The following DNAH7 variants were observed in gnomAD, a reference collection of about 807,000 sequenced individuals.
DNAH7 encodes the protein axonemal beta dynein heavy chain 7.
A neutral mutation model predicts 444.6 loss-of-function variants in DNAH7; 397 were observed. That is an observed-to-expected ratio of 0.89 (90% CI 0.82 to 0.97). DNAH7 has a LOEUF of 0.97. Ranked by LOEUF, DNAH7 falls within the 50% of genes least tolerant of loss-of-function variation. The pLI is 0.00. For missense variants in DNAH7, 4,902 were observed against 4,800.8 expected (o/e 1.02, Z -0.62); for synonymous variants, 1,636 against 1,624.4 (o/e 1.01, Z -0.17).
Position 195,796,677 on chromosome 2 carries a change from T to C in DNAH7, c.10414A>G (p.Met3472Val). ...TTGACAGCTTTTTCTAACATCTTCA[T>C]AGCAATGGGCCCTTGGCCTTGACCA... ...SLGQGQGPIA[M>V]KMLEKAVKEG... The change falls in exon 56 of 65, where the codon ATG becomes GTG. Residue 3472 changes from methionine (M) to valine (V), a missense_variant. Physicochemically the swap from Met to Val is conservative, Grantham distance 21. Transcript: ENST00000312428. The C allele has an allele frequency of 5.6e-6, 9 of 1,614,182 alleles. No individual in the cohort carries two copies. Among genetic ancestry groups the C allele is most frequent in the Non-Finnish European group, 7.6e-6 (9 of 1,180,012 alleles).
chr2:195,889,385 G>T (rs1701893149), intron 31 of DNAH7, among the ~76,000 whole-genome samples: 1 of 149,966 alleles, frequency 6.7e-6, no homozygotes, highest in Non-Finnish European at 1.5e-5. Context: ...GGGTGATCAT[G>T]GCTCACTGCA....
rs754192522 is a variant in DNAH7 at position 195,987,197 on chromosome 2, C to A, written c.1627-4G>T. ...CAAACATTCCTAAACGAATAGTCTG[C>A]AAAAGATTAAAAGTTTAATCAACAT... On this transcript the variant is annotated splice_region_variant and splice_polypyrimidine_tract_variant and intron_variant, in intron 13 of 64. Coordinates refer to ENST00000312428, the MANE Select transcript of DNAH7 (RefSeq NM_018897.3). 3 of 1,558,202 alleles carry A rather than the reference C, an allele frequency of 1.9e-6. No individual in the cohort carries two copies. The highest frequency in any genetic ancestry group is 2.6e-6 in the Non-Finnish European group (3 of 1,155,560).
intron 58 of DNAH7, among the ~76,000 whole-genome samples, chr2:195,784,032 T>C (rs1477449882): frequency 6.6e-6 from 1 of 152,100 alleles, no homozygotes; most frequent in Non-Finnish European, 1.5e-5. Context: ...CCTCCCCCAG[T>C]ATCAACATCC....
intron 2 of DNAH7, among the ~76,000 whole-genome samples, chr2:196,053,660 G>A (rs1168432899): frequency 6.6e-6 from 1 of 152,074 alleles, no homozygotes; most frequent in East Asian, 1.9e-4. Flanking sequence ...CCTCTCAAAG[G>A]CACTGCTCTG....
chr2:195,909,624 G>C (rs1687237070), intron 25 of DNAH7, among the ~76,000 whole-genome samples: 1 of 152,128 alleles, frequency 6.6e-6, no homozygotes, highest in Non-Finnish European at 1.5e-5. Context: ...CAAGTTCACT[G>C]AAATGACTGA....
At position 195,796,726 on chromosome 2, in the gene DNAH7, TC is replaced by T; in HGVS notation, c.10364del (p.Gly3455AspfsTer18). 6.2e-7 allele frequency: 1 copy of T among 1,613,664 alleles called. No individual in the cohort carries two copies. The highest frequency in any genetic ancestry group is 8.5e-7 in the Non-Finnish European group (1 of 1,179,778). On this transcript the variant is annotated frameshift_variant, in exon 56 of 65. Transcript: ENST00000312428. LOFTEE classifies it high-confidence loss of function. ...CAAGAGATAAAGAGCTAAGTTTTGA[TC>T]CCCCATATCCCTGTGTACAAGAATA... The part of the protein sequence containing the change: ...LKFADDQGYG[G>X]SKLSSLSLGQ...
chr2:195,850,001 G>C (rs1411387037), intron 46 of DNAH7, among the ~76,000 whole-genome samples: 2 of 152,300 alleles, frequency 1.3e-5, no homozygotes, highest in South Asian at 4.1e-4. Flanking sequence ...CTTGAAGCTG[G>C]AGTAGGCATG....
At chr2:195,953,241 T>C (rs1046996977) in intron 19 of DNAH7, among the ~76,000 whole-genome samples, 3 of 152,164 alleles carry the variant, frequency 2.0e-5, no homozygotes, top group African/African-American at 7.2e-5. Context: ...CAGACCCTGT[T>C]TGCCTGGGTA....
intron 19 of DNAH7, among the ~76,000 whole-genome samples, chr2:195,945,859 G>A (rs1336201385): frequency 3.9e-5 from 6 of 152,190 alleles, no homozygotes; most frequent in Non-Finnish European, 8.8e-5. Context: ...CAAAAACCAA[G>A]TTTGGGGGTG....
chr2:195,780,010 T>G (rs1459175687), intron 58 of DNAH7, among the ~76,000 whole-genome samples: 1 of 152,176 alleles, frequency 6.6e-6, no homozygotes, highest in Non-Finnish European at 1.5e-5. Context: ...AAAAAGTATT[T>G]TATTATGTTC....
At position 195,865,172 on chromosome 2, in the gene DNAH7, A is replaced by G. The variant is rs571646565; in HGVS notation, c.6634-151T>C. On this transcript the variant is annotated intron_variant, in intron 40 of 64. Transcript: ENST00000312428. ...ATCCAAATAATCAGGACTGATTCAC[A>G]ATAATGTTATTTTAAATGTTAATTT... 8.8e-4 allele frequency: 587 copies of G among 664,654 alleles called. 4 individuals carry two copies. Among genetic ancestry groups the G allele is most frequent in the Middle Eastern group, 4.7e-3 (11 of 2,342 alleles). The allele number at this position is 664,654 out of a possible 1,614,324, so 41.2% of individuals were successfully genotyped here.
rs948187576 is a variant in DNAH7 at position 195,923,921 on chromosome 2, C to G, written c.3613-114G>C. On this transcript the variant is annotated intron_variant, in intron 22 of 64. Coordinates refer to ENST00000312428, the MANE Select transcript of DNAH7 (RefSeq NM_018897.3). ...TTCTCTGCATTTTGATTACAACTTT[C>G]CATGTAATACAATTTAAAAATAATT... The G allele has an allele frequency of 3.1e-6, 3 of 952,570 alleles. No homozygotes were observed. The African/African-American group carries it at 5.0e-5, about 16-fold the overall frequency. The allele number at this position is 952,570 out of a possible 1,614,324, so 59.0% of individuals were successfully genotyped here.
intron 19 of DNAH7, among the ~76,000 whole-genome samples, chr2:195,941,436 C>A: frequency 7.3e-6 from 1 of 136,986 alleles, no homozygotes. Context: ...GGCTTAAAAC[C>A]TAGAACCTAG....
At chr2:196,013,003 G>A in intron 9 of DNAH7, 97 bp from the exon 10 acceptor site, 3 of 843,398 alleles carry the variant, frequency 3.6e-6, no homozygotes, top group South Asian at 3.3e-5. Flanking sequence ...ATATTCCTAG[G>A]TTTAATCATT....
At chr2:195,998,502 G>A (rs1386275607) in intron 12 of DNAH7, among the ~76,000 whole-genome samples, 1 of 151,292 alleles carries the variant, frequency 6.6e-6, no homozygotes. Context: ...TGTGAACCAA[G>A]GAGGCAGAGC....
chr2:195,923,638 T>A lies in DNAH7; in HGVS notation c.3782A>T (p.Asp1261Val), dbSNP rs372460473. Residue 1261 changes from aspartate to valine, a missense_variant, in exon 23 of 65, where the codon GAC (aspartate) becomes GTC (valine). Asp to Val is a radical substitution (Grantham distance 152). Transcript: ENST00000312428. ...SSLVKKNISD[D>V]SDFEWLSQLR... Reference sequence around the variant, plus strand: ...CTGACTTAACCATTCAAAGTCAGAGTCATCGCTAATATTTTTTTTTACAAG... The same window carrying A: ...CTGACTTAACCATTCAAAGTCAGAGACATCGCTAATATTTTTTTTTACAAG... 6.8e-5 allele frequency: 109 copies of A among 1,614,036 alleles called. No homozygotes were observed. The Middle Eastern group carries it at 2.6e-3, about 39-fold the overall frequency.
In DNAH7 at chr2:196,048,339, A is replaced by G; in HGVS notation, c.207T>C (p.Asp69=). ...PSFHLSVKQD[D]ESPEPFSVKN... ...TAACACTAAATGGTTCTGGACTCTC[A>G]TCATCCTGCTTTACACTCAAATGGA... The change falls in exon 4 of 65, where the codon GAT becomes GAC. Residue 69 remains aspartate (D), a synonymous_variant. Coordinates refer to ENST00000312428, the MANE Select transcript of DNAH7 (RefSeq NM_018897.3). The G allele has an allele frequency of 6.2e-7, 1 of 1,614,046 alleles. No individual in the cohort carries two copies. Among genetic ancestry groups the G allele is most frequent in the South Asian group, 1.1e-5 (1 of 91,070 alleles).
chr2:195,912,701 A>G (rs1380647779), intron 24 of DNAH7, among the ~76,000 whole-genome samples: 1 of 152,246 alleles, frequency 6.6e-6, no homozygotes, highest in Non-Finnish European at 1.5e-5. Context: ...TCACCAAGAC[A>G]TCACTATACA....
At chr2:195,862,072 G>C in intron 41 of DNAH7, 126 bp from the exon 42 acceptor site, 1 of 727,640 alleles carries the variant, frequency 1.4e-6, no homozygotes, top group South Asian at 1.9e-5. Context: ...TGGTGTGGGA[G>C]AGACAATTTC....
Sources: gnomAD v4.1 joint callset for allele counts (sites outside exome capture counted in the v4.1 genomes callset) on GRCh38, gnomAD v4.1.1 for gene constraint, MANE v1.5 for transcripts, NCBI Gene and HGNC (gene_info 2026-07-23, HGNC 2026-07-21) for gene names.